Variants in CAMSAP1 observed in about 807,000 individuals in gnomAD.
CAMSAP1 encodes calmodulin-regulated spectrin-associated protein 1.
In CAMSAP1, 58 loss-of-function variants were observed where a neutral mutation model predicts 143.5. That is an observed-to-expected ratio of 0.40 (90% CI 0.33 to 0.50). CAMSAP1 has a LOEUF of 0.50. Among genes scored for constraint, CAMSAP1 ranks in the 20% least tolerant of loss-of-function variants. The pLI is 0.45. For missense variants in CAMSAP1, 1,969 were observed against 2,115.7 expected, an observed-to-expected ratio of 0.93 and a Z score of 1.36; for synonymous variants, 945 against 859.3, an observed-to-expected ratio of 1.10 and a Z score of -1.74.
chr9:135,818,752 C>A lies in CAMSAP1; in HGVS notation c.3960-136G>T, dbSNP rs1460343963. On this transcript the variant is annotated intron_variant, in intron 12 of 16. Coordinates refer to ENST00000389532, the MANE Select transcript of CAMSAP1 (RefSeq NM_015447.4). This position sits in a 1 kb window ranked among gnomAD's most constrained non-coding sequence, Gnocchi z 7.7. ...ACCAAGAGTGGCCAGCCTCCACAAG[C>A]GGGACACAGAGGCTGCAAAGGCAGT... 2.5e-6 allele frequency: 3 copies of A among 1,183,836 alleles called. No individual in the cohort carries two copies. Among genetic ancestry groups the A allele is most frequent in the African/African-American group, 3.1e-5 (2 of 65,368 alleles). 73.3% of individuals were successfully genotyped at this position (1,183,836 alleles called of 1,614,324 possible).
At chr9:135,900,000 A>C (rs183305463) in intron 1 of CAMSAP1, among the ~76,000 whole-genome samples, 66 of 152,252 alleles carry the variant, frequency 4.3e-4, no homozygotes, top group African/African-American at 1.6e-3. Context: ...CCCACAGTTC[A>C]CAATGTAATG....
chr9:135,830,415 A>G (rs773837122), intron 7 of CAMSAP1, among the ~76,000 whole-genome samples: 36 of 152,270 alleles, frequency 2.4e-4, no homozygotes, highest in Non-Finnish European at 4.7e-4. Flanking sequence ...AGGCATGGCT[A>G]TACTTACCTC....
intron 5 of CAMSAP1, among the ~76,000 whole-genome samples, chr9:135,858,256 T>C (rs1420629974): frequency 6.6e-6 from 1 of 152,038 alleles, no homozygotes; most frequent in Non-Finnish European, 1.5e-5. Context: ...TTCCTTATTC[T>C]CCTTGTTTGG....
chr9:135,855,247 C>A (rs1836914945), intron 5 of CAMSAP1, among the ~76,000 whole-genome samples: 1 of 152,150 alleles, frequency 6.6e-6, no homozygotes, highest in African/African-American at 2.4e-5. Context: ...CCACCTTGGC[C>A]TCCCAAAGGG....
chr9:135,890,428 G>A (rs192325253), intron 1 of CAMSAP1, among the ~76,000 whole-genome samples: 3 of 152,082 alleles, frequency 2.0e-5, no homozygotes, highest in East Asian at 1.9e-4. Context: ...CCTGGACCGC[G>A]GTTTCCCCCT....
At position 135,822,189 on chromosome 9, in the gene CAMSAP1, T is replaced by A. The variant is rs1346669560; in HGVS notation, c.2472A>T (p.Arg824Ser). 6.2e-7 allele frequency: 1 copy of A among 1,613,766 alleles called. No individual in the cohort carries two copies. Among genetic ancestry groups the A allele is most frequent in the Non-Finnish European group, 8.5e-7 (1 of 1,179,890 alleles). The change falls in exon 11 of 17, where the codon AGA (arginine) becomes AGT (serine). Residue 824 changes from arginine to serine, a missense_variant. Arg to Ser is a moderately radical substitution (Grantham distance 110). This residue lies in a region of CAMSAP1 where 1,390 missense variants were observed against 1,420.8 expected (regional missense o/e 0.98). Coordinates refer to ENST00000389532, the MANE Select transcript of CAMSAP1 (RefSeq NM_015447.4). The surrounding 1 kb of genome is among the most constrained non-coding windows in gnomAD (Gnocchi z 6.1). ...TGGACTTGGTCTCACAGCTGTTGAG[T>A]CTCTGGAGCTTCCTCTCCGCAAAGC... is the stretch of plus-strand genomic sequence containing the variant. ...MTSFAERKLQ[R>S]LNSCETKSST... is the part of the protein sequence containing the mutation.
At chr9:135,880,960 A>T (rs902674349) in intron 3 of CAMSAP1, among the ~76,000 whole-genome samples, 2 of 152,026 alleles carry the variant, frequency 1.3e-5, no homozygotes, top group African/African-American at 4.8e-5. Context: ...GGAAAATGCC[A>T]TTTTTTTTCC....
Position 135,821,659 on chromosome 9 carries a change from A to C in CAMSAP1, c.3002T>G (p.Val1001Gly). 1.2e-6 allele frequency: 2 copies of C among 1,613,866 alleles called. No individual in the cohort carries two copies. Among genetic ancestry groups the C allele is most frequent in the Non-Finnish European group, 1.7e-6 (2 of 1,179,872 alleles). Residue 1001 changes from valine (V) to glycine (G), a missense_variant, in exon 11 of 17, where the codon GTG becomes GGG. By Grantham distance (109) the Val-to-Gly change is moderately radical. Coordinates refer to ENST00000389532, the MANE Select transcript of CAMSAP1 (RefSeq NM_015447.4). This position sits in a 1 kb window ranked among gnomAD's most constrained non-coding sequence, Gnocchi z 4.6. ...VALHELERNK[V>G]ISAALLEDTV... is the part of the protein sequence containing the mutation. ...GTCCTCCAGGAGGGCAGCGGAGATC[A>C]CCTTATTTCTCTCCAGCTCGTGCAG...
intron 7 of CAMSAP1, among the ~76,000 whole-genome samples, chr9:135,841,404 G>C (rs1836345735): frequency 6.6e-6 from 1 of 152,248 alleles, no homozygotes; most frequent in South Asian, 2.1e-4. Context: ...CCTAGGGGAA[G>C]GGGTGGCTAT....
In CAMSAP1 at chr9:135,821,780, C is replaced by T; in HGVS notation, c.2881G>A (p.Glu961Lys). 1 of 1,614,030 alleles carries T rather than the reference C, an allele frequency of 6.2e-7. No individual in the cohort carries two copies. Among genetic ancestry groups the T allele is most frequent in the South Asian group, 1.1e-5 (1 of 91,078 alleles). Residue 961 changes from glutamate (E) to lysine (K), a missense_variant, in exon 11 of 17, where the codon GAG becomes AAG. By Grantham distance (56) the Glu-to-Lys change is moderately conservative (BLOSUM62 1). Coordinates refer to ENST00000389532, the MANE Select transcript of CAMSAP1 (RefSeq NM_015447.4). This position sits in a 1 kb window ranked among gnomAD's most constrained non-coding sequence, Gnocchi z 4.6. ...TGAAGGAGCTCCTCTCTCTGCTCCT[C>T]CTTCACGAGAAAGTCTTCGGTTTTG... ...VSKTEDFLVK[E>K]EQREELLHEP...
At chr9:135,857,051 C>T (rs548228836) in intron 5 of CAMSAP1, among the ~76,000 whole-genome samples, 307 of 152,298 alleles carry the variant, frequency 2.0e-3, no homozygotes, top group Non-Finnish European at 3.1e-3. Context: ...TTGTGTGTAA[C>T]CTGCTTGGTC....
intron 1 of CAMSAP1, among the ~76,000 whole-genome samples, chr9:135,886,226 G>A (rs1032020970): frequency 1.3e-5 from 2 of 152,174 alleles, no homozygotes; most frequent in African/African-American, 4.8e-5. Context: ...GAGTCAAACA[G>A]GAAGAGATAA....
At position 135,863,657 on chromosome 9, in the gene CAMSAP1, G is replaced by GT. The variant is rs1452175952; in HGVS notation, c.667-1050dup. The stretch of plus-strand genomic sequence containing the variant: ...TACTGATGTTTAGCAAAAAACATTT[G>GT]TAACACATTCTCTTAAATTTAGCAA... On this transcript the variant is annotated intron_variant, in intron 4 of 16. Coordinates refer to ENST00000389532, the MANE Select transcript of CAMSAP1 (RefSeq NM_015447.4). Among the ~76,000 whole-genome samples the GT allele has an allele frequency of 6.6e-5, 10 of 152,182 alleles. No individual in the cohort carries two copies. The East Asian group carries it at 1.9e-3, about 29-fold the overall frequency.
At chr9:135,905,851 A>G (rs1838760924) in intron 1 of CAMSAP1, among the ~76,000 whole-genome samples, 1 of 152,166 alleles carries the variant, frequency 6.6e-6, no homozygotes, top group Admixed American at 6.5e-5. Flanking sequence ...ACCTGACTCA[A>G]GTTTCATACC....
chr9:135,892,520 T>C (rs571179119), intron 1 of CAMSAP1, among the ~76,000 whole-genome samples: 39 of 149,904 alleles, frequency 2.6e-4, no homozygotes, highest in Non-Finnish European at 5.3e-4. Flanking sequence ...CTGGGCAACA[T>C]AGCAAGATCC....
At chr9:135,884,321 A>G (rs1838055212) in intron 1 of CAMSAP1, among the ~76,000 whole-genome samples, 2 of 152,060 alleles carry the variant, frequency 1.3e-5, no homozygotes, top group Non-Finnish European at 2.9e-5. Context: ...TCCCCAGGGG[A>G]AGAACCAGCT....
At chr9:135,815,259 A>C (rs1835189637) in intron 15 of CAMSAP1, 44 bp from the exon 16 acceptor site, 2 of 1,304,724 alleles carry the variant, frequency 1.5e-6, no homozygotes, top group Non-Finnish European at 2.1e-6. Flanking sequence ...ATTTTAAGGC[A>C]CGAACACACA....
rs771596375 is a variant in CAMSAP1 at position 135,821,945 on chromosome 9, G to T, written c.2716C>A (p.Gln906Lys). Residue 906 changes from glutamine to lysine, a missense_variant, in exon 11 of 17, where the codon CAG becomes AAG. Gln to Lys is a moderately conservative substitution (Grantham distance 53). Around this residue, in one of 4 missense-constraint regions of CAMSAP1, gnomAD observed 1,390 missense variants for 1,420.8 expected, o/e 0.98. Transcript: ENST00000389532. The surrounding 1 kb of genome is among the most constrained non-coding windows in gnomAD (Gnocchi z 4.6). ...KKKMEALSARQRLKLGKAAFL... is the reference protein window; with the variant it reads ...KKKMEALSARKRLKLGKAAFL... Reference sequence around the variant, plus strand: ...GCAGCCTTGCCGAGCTTCAGGCGCTGCCTTGCCGACAGCGCCTCCATCTTC... The same window carrying T: ...GCAGCCTTGCCGAGCTTCAGGCGCTTCCTTGCCGACAGCGCCTCCATCTTC... 1.2e-5 allele frequency: 20 copies of T among 1,612,622 alleles called. No individual in the cohort carries two copies. Among genetic ancestry groups the T allele is most frequent in the Non-Finnish European group, 1.6e-5 (19 of 1,179,520 alleles).
chr9:135,891,996 G>A (rs1838304055), intron 1 of CAMSAP1, among the ~76,000 whole-genome samples: 1 of 152,180 alleles, frequency 6.6e-6, no homozygotes, highest in African/African-American at 2.4e-5. Flanking sequence ...GAAGAACAGA[G>A]AGAAGAAACT....
Sources: gnomAD v4.1 joint callset for allele counts (sites outside exome capture counted in the v4.1 genomes callset) on GRCh38, gnomAD v4.1.1 for gene constraint, gnomAD v4.1.1 regional missense constraint, Gnocchi (gnomAD v3.1) non-coding constraint, MANE v1.5 for transcripts, NCBI Gene and HGNC (gene_info 2026-07-23, HGNC 2026-07-21) for gene names.